The following GLDN variants were observed in gnomAD, a reference collection of about 807,000 sequenced individuals.
GLDN encodes collomin.
A neutral mutation model predicts 56.5 loss-of-function variants in GLDN; 47 were observed. The observed-to-expected ratio is 0.83, with a 90% CI of 0.66 to 1.06. GLDN has a LOEUF of 1.06. GLDN is among the 50% of genes least tolerant of loss of function. GLDN has a pLI of 0.00. For synonymous variants in GLDN, 332 were observed against 278.8 expected (o/e 1.19, Z -1.90); for missense variants, 782 against 714.3 (o/e 1.09, Z -1.08).
At chr15:51,353,713 T>TAAAAAAAA (rs1566935693) in intron 1 of GLDN, among the ~76,000 whole-genome samples, 2 of 80,532 alleles carry the variant, frequency 2.5e-5, no homozygotes, top group African/African-American at 1.1e-4. Context: ...TCGGATTTGA[T>TAAAAAAAA]TAAAAAAAAA....
Position 51,400,399 on chromosome 15 carries a change from C to G in GLDN, c.928C>G (p.Pro310Ala), listed in dbSNP as rs1490188285. 1.2e-6 allele frequency: 2 copies of G among 1,614,000 alleles called. No homozygotes were observed. The highest frequency in any genetic ancestry group is 2.7e-5 in the African/African-American group (2 of 74,914). ...ATCCATGATCACTTCCATTGGAAAC[C>G]CAGTGCAAGTACTGAAAGTGACAGA... is the stretch of plus-strand genomic sequence containing the variant. Reference protein sequence around the residue: ...AESMITSIGNPVQVLKVTETF... With the variant: ...AESMITSIGNAVQVLKVTETF... Residue 310 changes from proline to alanine, a missense_variant, in exon 8 of 10, where the codon CCA becomes GCA. Transcript: ENST00000335449.
At chr15:51,412,111 A>G (rs963935594), downstream of GLDN, among the ~76,000 whole-genome samples, 7 of 152,206 alleles carry the variant, frequency 4.6e-5, no homozygotes, top group African/African-American at 1.7e-4. Flanking sequence ...AACTCGTACA[A>G]TTCTCATGGG....
At chr15:51,385,558 A>G (rs1441352321) in intron 4 of GLDN, 5 of 152,208 alleles carry the variant, frequency 3.3e-5, no homozygotes, top group Non-Finnish European at 5.9e-5. Flanking sequence ...AATAGAATAT[A>G]TGGTCTGTTC....
At chr15:51,395,844 T>C (rs952020713) in intron 5 of GLDN, among the ~76,000 whole-genome samples, 1 of 152,164 alleles carries the variant, frequency 6.6e-6, no homozygotes, top group African/African-American at 2.4e-5. Context: ...TGGAGAGGCC[T>C]CAGGAAACTT....
intron 2 of GLDN, among the ~76,000 whole-genome samples, chr15:51,379,642 A>C (rs2037712276): frequency 1.3e-5 from 2 of 152,208 alleles, no homozygotes; most frequent in African/African-American, 2.4e-5. Context: ...ACAGACCTCA[A>C]GTTTACATAA....
intron 2 of GLDN, among the ~76,000 whole-genome samples, chr15:51,382,489 G>A (rs373148518): frequency 1.2e-4 from 19 of 152,048 alleles, no homozygotes; most frequent in South Asian, 1.2e-3. Context: ...CTAAAGAGGC[G>A]GGCAGATCAC....
At position 51,377,335 on chromosome 15, in the gene GLDN, T is replaced by C. The variant is rs900097241; in HGVS notation, c.364-114T>C. On this transcript the variant is annotated intron_variant, in intron 1 of 9. Coordinates refer to ENST00000335449, the MANE Select transcript of GLDN (RefSeq NM_181789.4). Reference sequence around the variant, plus strand: ...TGCGTTTTCCTTGAACTTCCGCGGGTTCTCCTAAAGTTACTTGGTGACTTT... The same window carrying C: ...TGCGTTTTCCTTGAACTTCCGCGGGCTCTCCTAAAGTTACTTGGTGACTTT... 4.3e-5 allele frequency: 35 copies of C among 806,800 alleles called. No homozygotes were observed. The Admixed American group carries it at 7.8e-4, about 18-fold the overall frequency. The allele number at this position is 806,800 out of a possible 1,614,324, so 50.0% of individuals were successfully genotyped here. A position where few individuals can be genotyped will look rare whatever the true frequency, so the allele number is the denominator to read the frequency against.
intron 1 of GLDN, among the ~76,000 whole-genome samples, chr15:51,371,476 C>G (rs2037514800): frequency 6.6e-6 from 1 of 152,226 alleles, no homozygotes; most frequent in Non-Finnish European, 1.5e-5. Flanking sequence ...GAAGTCTGTT[C>G]TTTTTCTCCT....
chr15:51,357,835 TCTTTGGG>T (rs1194465980), intron 1 of GLDN, among the ~76,000 whole-genome samples: 2 of 152,090 alleles, frequency 1.3e-5, no homozygotes, highest in Non-Finnish European at 2.9e-5. Flanking sequence ...TTAAGAATCA[TCTTTGGG>T]CTAGGAGCCT....
chr15:51,364,147 C>T (rs1017521534), intron 1 of GLDN, among the ~76,000 whole-genome samples: 1 of 151,854 alleles, frequency 6.6e-6, no homozygotes, highest in African/African-American at 2.4e-5. Context: ...ATTTTTTTTG[C>T]CATTGGTACT....
chr15:51,402,762 G>T (rs1029350433), intron 9 of GLDN, among the ~76,000 whole-genome samples: 1 of 152,152 alleles, frequency 6.6e-6, no homozygotes, highest in South Asian at 2.1e-4. Context: ...TGTAATATGC[G>T]ATATGATCAG....
chr15:51,385,396 G>C (rs2037868671), intron 4 of GLDN: 1 of 152,158 alleles, frequency 6.6e-6, no homozygotes, highest in Admixed American at 6.5e-5. Context: ...CCCAGGGAGT[G>C]CAGAAAAGAA....
chr15:51,372,422 C>T (rs1417483147), intron 1 of GLDN, among the ~76,000 whole-genome samples: 1 of 152,196 alleles, frequency 6.6e-6, no homozygotes, highest in Non-Finnish European at 1.5e-5. Flanking sequence ...GGGAGATGAA[C>T]CTGATGGGCC....
intron 1 of GLDN, among the ~76,000 whole-genome samples, chr15:51,359,477 C>T (rs1046314507): frequency 2.2e-4 from 33 of 152,252 alleles, no homozygotes; most frequent in Middle Eastern, 3.4e-3. Context: ...CCCCACAGGC[C>T]AACAGGCGGT....
chr15:51,379,396 C>A (rs891126810), intron 2 of GLDN, among the ~76,000 whole-genome samples: 1 of 152,210 alleles, frequency 6.6e-6, no homozygotes, highest in Non-Finnish European at 1.5e-5. Context: ...TGTTACTGAA[C>A]TGCGTATTGG....
intron 1 of GLDN, among the ~76,000 whole-genome samples, chr15:51,345,519 T>C (rs2036961508): frequency 6.6e-6 from 1 of 152,230 alleles, no homozygotes; most frequent in African/African-American, 2.4e-5. Context: ...AGTCAAATGA[T>C]GAAAAGGCAT....
intron 4 of GLDN, among the ~76,000 whole-genome samples, chr15:51,391,089 G>A (rs541910472): frequency 6.6e-6 from 1 of 152,256 alleles, no homozygotes; most frequent in East Asian, 1.9e-4. Flanking sequence ...TGGACAAGAG[G>A]GCAAAGGCAG....
At chr15:51,354,286 G>A (rs2037133790) in intron 1 of GLDN, among the ~76,000 whole-genome samples, 1 of 152,204 alleles carries the variant, frequency 6.6e-6, no homozygotes, top group Non-Finnish European at 1.5e-5. Context: ...TTGAGCTGGT[G>A]ATGGCAAAAT....
chr15:51,387,499 G>T (rs1415702186), intron 4 of GLDN, among the ~76,000 whole-genome samples: 1 of 152,180 alleles, frequency 6.6e-6, no homozygotes, highest in Non-Finnish European at 1.5e-5. Flanking sequence ...ACACAGCCAG[G>T]CGAGGTTGGA....
Sources: gnomAD v4.1 joint callset for allele counts (sites outside exome capture counted in the v4.1 genomes callset) on GRCh38, gnomAD v4.1.1 for gene constraint, MANE v1.5 for transcripts, NCBI Gene and HGNC (gene_info 2026-07-23, HGNC 2026-07-21) for gene names.